Variants in LOC400499 observed in about 807,000 individuals in gnomAD.
chr16:11,422,858 C>T, the LOC400499 span, among the ~76,000 whole-genome samples: 1 of 152,210 alleles, frequency 6.6e-6, no homozygotes, highest in Admixed American at 6.5e-5. Context: ...GATGCCAGGA[C>T]ATGCCCACCG....
chr16:11,469,650 G>C, the LOC400499 span: 1 of 399,108 alleles, frequency 2.5e-6, no homozygotes, highest in East Asian at 3.6e-5. Flanking sequence ...TGGCTTCTTG[G>C]GGGAACCAGC....
the LOC400499 span, among the ~76,000 whole-genome samples, chr16:11,402,943 G>A: frequency 1.1e-3 from 162 of 152,120 alleles, no homozygotes; most frequent in African/African-American, 3.6e-3. Context: ...CCATGCCACC[G>A]TCTGCTGTCC....
the LOC400499 span, chr16:11,450,817 G>A: frequency 0.53 from 811,710 of 1,526,652 alleles, 225,947 homozygotes; most frequent in Non-Finnish European, 0.58. Flanking sequence ...CAGGTTCAAG[G>A]CTCCTGCAAG....
chr16:11,429,345 T>A, the LOC400499 span, among the ~76,000 whole-genome samples: 2 of 152,298 alleles, frequency 1.3e-5, no homozygotes. Flanking sequence ...CCAGTACAGC[T>A]TGCAGAACTA....
At chr16:11,504,689 G>A in the LOC400499 span, among the ~76,000 whole-genome samples, 5,384 of 152,114 alleles carry the variant, frequency 0.035, 134 homozygotes, top group Non-Finnish European at 0.051. Flanking sequence ...TTGGGAGGTC[G>A]AGGCAGGCAG....
the LOC400499 span, among the ~76,000 whole-genome samples, chr16:11,438,329 G>A: frequency 1.3e-5 from 2 of 152,136 alleles, no homozygotes; most frequent in Non-Finnish European, 2.9e-5. Context: ...CTGTGTCAAG[G>A]TGAAGATACA....
the LOC400499 span, chr16:11,423,181 C>T: frequency 2.5e-6 from 1 of 399,354 alleles, no homozygotes; most frequent in Non-Finnish European, 4.4e-6. Flanking sequence ...CCCCATACCT[C>T]GAGAGGCTGC....
the LOC400499 span, chr16:11,523,697 C>A: frequency 8.2e-6 from 3 of 365,072 alleles, no homozygotes; most frequent in Admixed American, 4.6e-5. Context: ...GGTACTGGCA[C>A]CATCATCCCT....
At chr16:11,416,919 G>A in the LOC400499 span, among the ~76,000 whole-genome samples, 148 of 152,216 alleles carry the variant, frequency 9.7e-4, no homozygotes, top group African/African-American at 3.4e-3. Context: ...CTGATGGCTC[G>A]CAGGCCCCTC....
chr16:11,460,793 A>G, the LOC400499 span, among the ~76,000 whole-genome samples: 1 of 152,224 alleles, frequency 6.6e-6, no homozygotes. Context: ...TGTCTCCTCA[A>G]CAGACACACT....
At chr16:11,494,878 A>T in the LOC400499 span, 1 of 397,806 alleles carries the variant, frequency 2.5e-6, no homozygotes, top group Non-Finnish European at 4.4e-6. Flanking sequence ...AGTCCCCCAG[A>T]GTCTGAACAA....
chr16:11,447,085 C>T, the LOC400499 span, among the ~76,000 whole-genome samples: 1 of 152,186 alleles, frequency 6.6e-6, no homozygotes, highest in Non-Finnish European at 1.5e-5. Context: ...AATGTGGCAT[C>T]CAGAACCCTT....
chr16:11,511,153 T>C, the LOC400499 span, among the ~76,000 whole-genome samples: 126 of 146,312 alleles, frequency 8.6e-4, 1 homozygote, highest in Non-Finnish European at 1.7e-3. Flanking sequence ...CACACCACCA[T>C]GCCTGGCTAA....
chr16:11,418,421 C>A, the LOC400499 span, among the ~76,000 whole-genome samples: 1 of 151,990 alleles, frequency 6.6e-6, no homozygotes, highest in Non-Finnish European at 1.5e-5. Context: ...TAAATCCCAC[C>A]AAACCAAGAA....
chr16:11,445,214 A>C, the LOC400499 span, among the ~76,000 whole-genome samples: 1 of 152,176 alleles, frequency 6.6e-6, no homozygotes, highest in Admixed American at 6.5e-5. Flanking sequence ...TGAAGTCAGA[A>C]GTTTGAGACC....
chr16:11,441,199 C>T, the LOC400499 span: 1 of 397,262 alleles, frequency 2.5e-6, no homozygotes, highest in African/African-American at 2.1e-5. Flanking sequence ...GGTTATGGAG[C>T]AGTCTACACT....
chr16:11,507,616 A>C, the LOC400499 span, among the ~76,000 whole-genome samples: 2 of 152,226 alleles, frequency 1.3e-5, no homozygotes, highest in Admixed American at 1.3e-4. Flanking sequence ...TTGTCTGAGC[A>C]TACACTAAGT....
the LOC400499 span, among the ~76,000 whole-genome samples, chr16:11,470,165 G>C: frequency 1.3e-5 from 2 of 152,066 alleles, no homozygotes; most frequent in Admixed American, 1.3e-4. Context: ...CACCTGCCTT[G>C]GCCTCCCAAA....
chr16:11,395,607 A>ACC, the LOC400499 span, among the ~76,000 whole-genome samples: 1 of 152,172 alleles, frequency 6.6e-6, no homozygotes, highest in East Asian at 1.9e-4. Context: ...CCGGGAAGGG[A>ACC]GGGAACTCCC....
Sources: allele counts gnomAD v4.1 joint callset (sites outside exome capture counted in the v4.1 genomes callset), GRCh38; gene constraint gnomAD v4.1.1; transcripts MANE v1.5.